Variants in ARHGEF11 observed in about 807,000 individuals in gnomAD.
The protein encoded by ARHGEF11 is Rho guanine nucleotide exchange factor 11.
Under a neutral mutation model 193.7 loss-of-function variants are expected in ARHGEF11, and 55 were observed. That is an observed-to-expected ratio of 0.28 (90% CI 0.23 to 0.36). The LOEUF is 0.36. ARHGEF11 is among the 10% of genes least tolerant of loss of function. ARHGEF11 has a pLI of 1.00. For synonymous variants in ARHGEF11, 693 were observed against 768.0 expected, an observed-to-expected ratio of 0.90 and a Z score of 1.62; for missense variants, 1,723 against 2,005.6, an observed-to-expected ratio of 0.86 and a Z score of 2.69.
intron 1 of ARHGEF11, among the ~76,000 whole-genome samples, chr1:157,003,949 A>G (rs1667510308): frequency 6.6e-6 from 1 of 152,196 alleles, no homozygotes; most frequent in Non-Finnish European, 1.5e-5. Flanking sequence ...GTTAGCTATT[A>G]TTTTTATCAC....
Position 156,940,297 on chromosome 1 carries a change from T to G in ARHGEF11, c.3643A>C (p.Asn1215His). Reference sequence around the variant, plus strand: ...GGGTTCCTTGTCCTGATGCCCCTGTTCTCTCCATCCAGGGATGTGGAAGGG... The same window carrying G: ...GGGTTCCTTGTCCTGATGCCCCTGTGCTCTCCATCCAGGGATGTGGAAGGG... ...PCPSTSLDGE[N>H]RGIRTRNPIH... The change falls in exon 36 of 41, where the codon AAC becomes CAC. Residue 1215 changes from asparagine to histidine, a missense_variant. Physicochemically the swap from Asn to His is moderately conservative, Grantham distance 68. Transcript: ENST00000368194. 1 of 1,613,692 alleles carries G rather than the reference T, an allele frequency of 6.2e-7. No individual in the cohort carries two copies. Among genetic ancestry groups the G allele is most frequent in the Non-Finnish European group, 8.5e-7 (1 of 1,179,744 alleles).
At chr1:156,986,334 C>G (rs1664916620) in intron 1 of ARHGEF11, among the ~76,000 whole-genome samples, 161 bp from the exon 2 acceptor site, 1 of 152,236 alleles carries the variant, frequency 6.6e-6, no homozygotes, top group South Asian at 2.1e-4. Flanking sequence ...CATGTGTACA[C>G]CACTGGTAAC....
intron 1 of ARHGEF11, among the ~76,000 whole-genome samples, chr1:157,001,604 C>T (rs2102680028): frequency 6.6e-6 from 1 of 152,350 alleles, no homozygotes; most frequent in Middle Eastern, 3.4e-3. Flanking sequence ...AAAGAATGCC[C>T]ATTGGCTCTG....
intron 1 of ARHGEF11, among the ~76,000 whole-genome samples, chr1:157,000,049 C>T (rs1667027894): frequency 6.6e-6 from 1 of 152,208 alleles, no homozygotes; most frequent in Non-Finnish European, 1.5e-5. Flanking sequence ...CTGCAACCTT[C>T]GCCTCCCAGG....
At chr1:156,990,777 A>C (rs947042454) in intron 1 of ARHGEF11, among the ~76,000 whole-genome samples, 1 of 152,180 alleles carries the variant, frequency 6.6e-6, no homozygotes, top group Non-Finnish European at 1.5e-5. Flanking sequence ...TTAACATGTC[A>C]CCATCTGTCT....
rs1571190764 is a variant in ARHGEF11 at position 156,947,375 on chromosome 1, T to A, written c.2417A>T (p.Lys806Met). ...CTCCTCCCGGGGCATCAGGTTCTCC[T>A]TCTTCATTCGCTGGTAGAAGATCAG... is the stretch of plus-strand genomic sequence containing the variant. ...LDLIFYQRMK[K>M]ENLMPREELA... The change falls in exon 26 of 41, where the codon AAG (lysine) becomes ATG (methionine). Residue 806 changes from lysine (K) to methionine (M), a missense_variant. Physicochemically the swap from Lys to Met is moderately conservative, Grantham distance 95 (BLOSUM62 -1). Coordinates refer to ENST00000368194, the MANE Select transcript of ARHGEF11 (RefSeq NM_198236.3). 6.2e-7 allele frequency: 1 copy of A among 1,614,060 alleles called. No homozygotes were observed. The highest frequency in any genetic ancestry group is 2.2e-5 in the East Asian group (1 of 44,864).
At chr1:156,945,324 G>A in intron 29 of ARHGEF11, 127 bp from the exon 30 acceptor site, 1 of 1,052,186 alleles carries the variant, frequency 9.5e-7, no homozygotes, top group Non-Finnish European at 1.4e-6. Flanking sequence ...GGGTGGAGGG[G>A]AGCCACCCTT....
chr1:157,026,336 A>C (rs1476416912), intron 1 of ARHGEF11, among the ~76,000 whole-genome samples: 2 of 152,148 alleles, frequency 1.3e-5, no homozygotes, highest in Admixed American at 6.6e-5. Context: ...ATCCTCCTAG[A>C]ACACACACAC....
chr1:156,940,448 G>A (rs1656585172), intron 35 of ARHGEF11, 23 bp from the exon 36 acceptor site: 1 of 1,582,140 alleles, frequency 6.3e-7, no homozygotes, highest in Non-Finnish European at 8.6e-7. Context: ...AGAGAAGATT[G>A]TAAGGCAGGG....
At chr1:156,980,257 C>T (rs1663927696) in intron 4 of ARHGEF11, among the ~76,000 whole-genome samples, 180 bp downstream of exon 4, 1 of 152,200 alleles carries the variant, frequency 6.6e-6, no homozygotes, top group Non-Finnish European at 1.5e-5. Flanking sequence ...CACAGCTATC[C>T]TCCTCCTCAC....
intron 1 of ARHGEF11, among the ~76,000 whole-genome samples, chr1:157,026,600 C>A (rs1272158269): frequency 6.6e-6 from 1 of 152,138 alleles, no homozygotes; most frequent in Admixed American, 6.5e-5. Context: ...TCCAGTGGGG[C>A]CAAGCCAGAG....
chr1:156,939,516 G>T, intron 37 of ARHGEF11, 32 bp downstream of exon 37: 1 of 1,604,760 alleles, frequency 6.2e-7, no homozygotes, highest in Non-Finnish European at 8.5e-7. Context: ...AAGGGTGCTT[G>T]TCTCCCCACT....
rs375918708 is a variant in ARHGEF11, at chr1:156,940,407, C to G, written c.3533G>C (p.Arg1178Thr). The change falls in exon 36 of 41, where the codon AGG becomes ACG. Residue 1178 changes from arginine (R) to threonine (T), a missense_variant. Coordinates refer to ENST00000368194, the MANE Select transcript of ARHGEF11 (RefSeq NM_198236.3). ...CAGGACCTGGTGCTTCCCTTGGACC[C>G]TCTGCTGGGACCCAGTGCCTGTTTC... ...ELPGGTGSQQ[R>T]VQGKHQVLLE... 15 of 1,606,352 alleles carry G rather than the reference C, an allele frequency of 9.3e-6. No individual in the cohort carries two copies. In the East Asian group the frequency reaches 3.4e-4, roughly 36 times the overall value.
chr1:156,982,112 T>A (rs1664268066), intron 3 of ARHGEF11, among the ~76,000 whole-genome samples: 1 of 152,182 alleles, frequency 6.6e-6, no homozygotes, highest in Non-Finnish European at 1.5e-5. Context: ...TATACGTTCA[T>A]TTAGAAACTA....
intron 11 of ARHGEF11, chr1:156,963,919 A>G: frequency 4.0e-6 from 1 of 247,130 alleles, no homozygotes; most frequent in Non-Finnish European, 6.5e-6. Context: ...ATAAGAGCCA[A>G]CAGCTCCTGC....
chr1:157,039,106 T>C (rs991665674), intron 1 of ARHGEF11, among the ~76,000 whole-genome samples: 21 of 152,262 alleles, frequency 1.4e-4, no homozygotes, highest in African/African-American at 3.9e-4. Context: ...CATGTTTCCA[T>C]GTCCCTGTAC....
Position 156,939,842 on chromosome 1 carries a change from G to T in ARHGEF11, c.3802C>A (p.Gln1268Lys). The change falls in exon 37 of 41, where the codon CAG (glutamine) becomes AAG (lysine). Residue 1268 changes from glutamine (Q) to lysine (K), a missense_variant. Physicochemically the swap from Gln to Lys is moderately conservative, Grantham distance 53. This residue lies in a region of ARHGEF11 where 203 missense variants were observed against 237.3 expected (regional missense o/e 0.86). Transcript: ENST00000368194. The stretch of plus-strand genomic sequence containing the variant: ...GGTGTCAGGTCGTCCTCGGGCTCCT[G>T]GGCAGCCTGAGTTTCCATGGTGTGA... ...PGHTMETQAA[Q>K]EPEDDLTPTP... The T allele has an allele frequency of 1.2e-6, 2 of 1,612,540 alleles. No homozygotes were observed. The highest frequency in any genetic ancestry group is 8.5e-7 in the Non-Finnish European group (1 of 1,179,964).
intron 14 of ARHGEF11, 128 bp from the exon 15 acceptor site, chr1:156,960,588 C>T: frequency 2.6e-6 from 2 of 762,068 alleles, no homozygotes; most frequent in Non-Finnish European, 4.4e-6. Flanking sequence ...GCCTACCATC[C>T]TTCTCATCAC....
chr1:156,985,957 A>G, intron 2 of ARHGEF11, 125 bp downstream of exon 2: 1 of 723,680 alleles, frequency 1.4e-6, no homozygotes, highest in Middle Eastern at 3.9e-4. Flanking sequence ...TGACTGGCAT[A>G]GCACACTACA....
Sources: gnomAD v4.1 joint callset for allele counts (sites outside exome capture counted in the v4.1 genomes callset) on GRCh38, gnomAD v4.1.1 for gene constraint, gnomAD v4.1.1 regional missense constraint, MANE v1.5 for transcripts, NCBI Gene and HGNC (gene_info 2026-07-23, HGNC 2026-07-21) for gene names.